The following UBE2E2 variants were observed in gnomAD, a reference collection of about 807,000 sequenced individuals.
UBE2E2 encodes the protein ubiquitin conjugating enzyme E2 E2, also known as ubiquitin-conjugating enzyme E2 E2.
In UBE2E2, 6 loss-of-function variants were observed where a neutral mutation model predicts 24.7. The ratio of observed to expected loss-of-function variants is 0.24; its 90% CI spans 0.13 to 0.48. The LOEUF (loss-of-function observed/expected upper bound fraction) is 0.48, where lower values mean the gene tolerates loss of function less well. Ranked by LOEUF, UBE2E2 falls within the 20% of genes least tolerant of loss-of-function variation. The pLI, the probability that UBE2E2 is intolerant of heterozygous loss-of-function variation, is 0.99. For synonymous variants in UBE2E2, 104 were observed against 83.6 expected (o/e 1.24, Z -1.33); for missense variants, 169 against 245.0 (o/e 0.69, Z 2.07).
At chr3:23,517,541 C>T (rs1185789492) in intron 4 of UBE2E2, among the ~76,000 whole-genome samples, 1 of 152,028 alleles carries the variant, frequency 6.6e-6, no homozygotes, top group Non-Finnish European at 1.5e-5. Flanking sequence ...TGTGTTTTTC[C>T]AGTTAATTTG....
At chr3:23,531,984 C>T (rs1055733345) in intron 4 of UBE2E2, among the ~76,000 whole-genome samples, 1 of 151,626 alleles carries the variant, frequency 6.6e-6, no homozygotes, top group African/African-American at 2.4e-5. Context: ...ATCGCTTGAA[C>T]CCGGGAGGTG....
chr3:23,230,859 T>G (rs898747914), intron 3 of UBE2E2, among the ~76,000 whole-genome samples: 1 of 151,980 alleles, frequency 6.6e-6, no homozygotes, highest in Non-Finnish European at 1.5e-5. Flanking sequence ...ACAGCAGTGA[T>G]GAACTGTTTT....
At chr3:23,489,994 T>C (rs1020721667) in intron 3 of UBE2E2, among the ~76,000 whole-genome samples, 1 of 151,790 alleles carries the variant, frequency 6.6e-6, no homozygotes, top group Non-Finnish European at 1.5e-5. Flanking sequence ...GAAGGTATAG[T>C]GGAAAAGGGA....
intron 3 of UBE2E2, among the ~76,000 whole-genome samples, chr3:23,338,077 A>G (rs1003280714): frequency 6.6e-6 from 1 of 152,042 alleles, no homozygotes; most frequent in Admixed American, 6.6e-5. Context: ...ATTACTTAAG[A>G]TTTCTTCCTG....
intron 4 of UBE2E2, among the ~76,000 whole-genome samples, chr3:23,526,818 A>G (rs1447251796): frequency 6.6e-6 from 1 of 152,214 alleles, no homozygotes; most frequent in Admixed American, 6.5e-5. Context: ...AAACATCATC[A>G]TCAAAGTAGA....
chr3:23,417,089 C>T (rs1280232380), intron 3 of UBE2E2, among the ~76,000 whole-genome samples: 1 of 152,124 alleles, frequency 6.6e-6, no homozygotes, highest in Admixed American at 6.6e-5. Context: ...GTTTTGTTCC[C>T]TTGCTGGCGA....
At chr3:23,326,016 T>C (rs1357457352) in intron 3 of UBE2E2, among the ~76,000 whole-genome samples, 1 of 152,238 alleles carries the variant, frequency 6.6e-6, no homozygotes, top group Non-Finnish European at 1.5e-5. Flanking sequence ...GACTCCCAAA[T>C]ATAATTTTCT....
At chr3:23,429,348 A>G (rs2125398926) in intron 3 of UBE2E2, among the ~76,000 whole-genome samples, 1 of 152,314 alleles carries the variant, frequency 6.6e-6, no homozygotes, top group East Asian at 1.9e-4. Flanking sequence ...AAAACTACAC[A>G]CCAAAAAATT....
At chr3:23,297,876 G>A (rs939541578) in intron 3 of UBE2E2, among the ~76,000 whole-genome samples, 2 of 151,968 alleles carry the variant, frequency 1.3e-5, no homozygotes, top group African/African-American at 2.4e-5. Flanking sequence ...ATTACCTTGG[G>A]CAGTATGGCC....
At chr3:23,262,760 T>G (rs1433047815) in intron 3 of UBE2E2, among the ~76,000 whole-genome samples, 1 of 152,128 alleles carries the variant, frequency 6.6e-6, no homozygotes, top group Non-Finnish European at 1.5e-5. Context: ...GGTTTTTAGT[T>G]TTATGTAGTT....
intron 5 of UBE2E2, among the ~76,000 whole-genome samples, chr3:23,552,303 A>G (rs1194896168): frequency 3.3e-5 from 5 of 152,190 alleles, no homozygotes; most frequent in African/African-American, 9.7e-5. Context: ...CACTGGGCCA[A>G]GATCAGGACA....
At chr3:23,238,775 T>C (rs1390008786) in intron 3 of UBE2E2, among the ~76,000 whole-genome samples, 1 of 152,160 alleles carries the variant, frequency 6.6e-6, no homozygotes, top group Non-Finnish European at 1.5e-5. Context: ...ATTTCTCCCA[T>C]GGGGACGCTG....
chr3:23,255,695 T>C (rs1000328953), intron 3 of UBE2E2, among the ~76,000 whole-genome samples: 4 of 152,180 alleles, frequency 2.6e-5, no homozygotes, highest in African/African-American at 9.7e-5. Flanking sequence ...ATTTTGCCTT[T>C]TATCACATAT....
chr3:23,458,659 C>T (rs544853164), intron 3 of UBE2E2, among the ~76,000 whole-genome samples: 4 of 152,140 alleles, frequency 2.6e-5, no homozygotes, highest in South Asian at 2.1e-4. Flanking sequence ...CCTCGTGATC[C>T]GCCCACCTCG....
intron 4 of UBE2E2, among the ~76,000 whole-genome samples, chr3:23,518,607 T>A (rs1694795259): frequency 6.6e-6 from 1 of 152,162 alleles, no homozygotes; most frequent in South Asian, 2.1e-4. Context: ...GCTCTTCTCA[T>A]ATATTTGCTG....
chr3:23,577,871 T>A (rs1049738002), intron 5 of UBE2E2, among the ~76,000 whole-genome samples: 6 of 152,112 alleles, frequency 3.9e-5, no homozygotes, highest in African/African-American at 1.4e-4. Flanking sequence ...ATTTCAAAAA[T>A]CCTAGGACCC....
chr3:23,584,107 G>T (rs1696549282), intron 5 of UBE2E2, among the ~76,000 whole-genome samples: 1 of 152,146 alleles, frequency 6.6e-6, no homozygotes, highest in Non-Finnish European at 1.5e-5. Context: ...TGCCTAGTTT[G>T]TTGAGGGTTT....
upstream of UBE2E2, chr3:23,203,161 C>T (rs1474023371): frequency 3.0e-6 from 3 of 985,312 alleles, no homozygotes; most frequent in East Asian, 3.4e-4. Flanking sequence ...GTGGTGGCTT[C>T]ACTTTCCAGG....
At chr3:23,208,533 A>G (rs1280033080) in intron 1 of UBE2E2, among the ~76,000 whole-genome samples, 159 bp from the exon 2 acceptor site, 1 of 152,174 alleles carries the variant, frequency 6.6e-6, no homozygotes, top group Non-Finnish European at 1.5e-5. Flanking sequence ...ATGAAGGAAA[A>G]GTTTTAGCAA....
Sources: allele counts gnomAD v4.1 joint callset (sites outside exome capture counted in the v4.1 genomes callset), GRCh38; gene constraint gnomAD v4.1.1; transcripts MANE v1.5; gene names NCBI Gene and HGNC (gene_info 2026-07-23, HGNC 2026-07-21).